Variants in CELF4 observed in about 807,000 individuals in gnomAD.
CELF4 encodes CUGBP Elav-like family member 4.
Under a neutral mutation model 59.9 loss-of-function variants are expected in CELF4, and 18 were observed. The observed-to-expected ratio is 0.30, with a 90% CI of 0.21 to 0.45. The LOEUF (loss-of-function observed/expected upper bound fraction) is 0.45, where lower values mean the gene tolerates loss of function less well. CELF4 is among the 20% of genes least tolerant of loss of function. The pLI is 1.00. For synonymous variants in CELF4, 261 were observed against 267.1 expected (o/e 0.98, Z 0.22); for missense variants, 456 against 689.0 (o/e 0.66, Z 3.79).
intron 2 of CELF4, among the ~76,000 whole-genome samples, chr18:37,325,259 A>T (rs2097266455): frequency 6.6e-6 from 1 of 152,096 alleles, no homozygotes; most frequent in African/African-American, 2.4e-5. Flanking sequence ...CCTGTGTGGG[A>T]GGAAGGCTGG....
At position 37,340,300 on chromosome 18, in the gene CELF4, C is replaced by T. The variant is rs145111519; in HGVS notation, c.370-18419G>A. ...CCGAGCTCTCAGCCTTGTGCCTTTGCCAGCTGGGCTGGGCTCAGCCCTGAC... is the reference window on the plus strand; with the variant it reads ...CCGAGCTCTCAGCCTTGTGCCTTTGTCAGCTGGGCTGGGCTCAGCCCTGAC... On this transcript the variant is annotated intron_variant, in intron 2 of 12. Coordinates refer to ENST00000420428, the MANE Select transcript of CELF4 (RefSeq NM_020180.4). 3.8e-3 allele frequency among the ~76,000 whole-genome samples: 576 copies of T among 152,368 alleles called. 4 individuals are homozygous for T. Among genetic ancestry groups the T allele is most frequent in the Non-Finnish European group, 6.5e-3 (439 of 68,032 alleles).
At chr18:37,496,540 T>A (rs184813279) in intron 1 of CELF4, among the ~76,000 whole-genome samples, 1,669 of 152,256 alleles carry the variant, frequency 0.011, 27 homozygotes, top group African/African-American at 0.031. Context: ...AAATTTTTTT[T>A]AAAAAAGAAG....
chr18:37,519,871 C>G (rs1214580969), intron 1 of CELF4, among the ~76,000 whole-genome samples: 1 of 152,182 alleles, frequency 6.6e-6, no homozygotes, highest in Non-Finnish European at 1.5e-5. Flanking sequence ...GGCAGTGAGG[C>G]AGGGGGCCTG....
chr18:37,379,216 G>A (rs958494829), intron 2 of CELF4, among the ~76,000 whole-genome samples: 1 of 152,142 alleles, frequency 6.6e-6, no homozygotes, highest in Non-Finnish European at 1.5e-5. Context: ...TTGGATGAGA[G>A]CAGGGATAAA....
rs138265107 is a variant in CELF4, at chr18:37,298,210, G to A, written c.449-22967C>T. Among the ~76,000 whole-genome samples the A allele has an allele frequency of 7.3e-3, 1,104 of 152,260 alleles. 6 individuals carry two copies. The highest frequency in any genetic ancestry group is 0.011 in the Non-Finnish European group (721 of 68,018). ...ATATCTTGAGAGTGTGTATAAAATG[G>A]CCCAAGGATCTGCAGATGCTGGTTC... is the stretch of plus-strand genomic sequence containing the variant. On this transcript the variant is annotated intron_variant, in intron 3 of 12. Transcript: ENST00000420428.
Position 37,259,282 on chromosome 18 carries a change from G to T in CELF4, c.1250-18C>A. 1 of 980,956 alleles carries T rather than the reference G, an allele frequency of 1.0e-6. No individual in the cohort carries two copies. Among genetic ancestry groups the T allele is most frequent in the Non-Finnish European group, 1.6e-6 (1 of 623,820 alleles). 60.8% of individuals were successfully genotyped at this position (980,956 alleles called of 1,614,324 possible). On this transcript the variant is annotated intron_variant, in intron 10 of 12. Coordinates refer to ENST00000420428, the MANE Select transcript of CELF4 (RefSeq NM_020180.4). ...CTCGGGCCCTGCGGTGAGGGGAGGG[G>T]GTGGGCGGGGGAGGAGGGATGGCAG...
At chr18:37,464,843 A>G (rs1540075) in intron 2 of CELF4, among the ~76,000 whole-genome samples, 111,116 of 152,124 alleles carry the variant, frequency 0.73, 41,923 homozygotes, top group South Asian at 0.89. Flanking sequence ...GCTGCCCGAA[A>G]GGAGACAGAG....
chr18:37,329,407 C>T (rs2097450809), intron 2 of CELF4, among the ~76,000 whole-genome samples: 1 of 152,258 alleles, frequency 6.6e-6, no homozygotes, highest in Non-Finnish European at 1.5e-5. Flanking sequence ...CCAGACATCA[C>T]CTCTTCCCAT....
intron 2 of CELF4, among the ~76,000 whole-genome samples, chr18:37,358,646 G>A (rs2098646316): frequency 6.6e-6 from 1 of 152,228 alleles, no homozygotes; most frequent in Non-Finnish European, 1.5e-5. Context: ...ACCTCGCTGT[G>A]AATCTTTGCT....
chr18:37,286,700 C>G (rs2094812779), intron 3 of CELF4, among the ~76,000 whole-genome samples: 1 of 152,188 alleles, frequency 6.6e-6, no homozygotes. Flanking sequence ...ACTTGTCTAA[C>G]CCGGGAGGAG....
rs149244987 is a variant in CELF4 at position 37,287,728 on chromosome 18, C to G, written c.449-12485G>C. ...CTCAGAGGGCCCATGCTTAAGTACA[C>G]GGTGTATTAACTCATGACTGATAAT... On this transcript the variant is annotated intron_variant, in intron 3 of 12. Transcript: ENST00000420428. Among the ~76,000 whole-genome samples, 618 of 152,272 alleles carry G rather than the reference C, an allele frequency of 4.1e-3. 2 individuals are homozygous for G. Among genetic ancestry groups the G allele is most frequent in the African/African-American group, 0.014 (600 of 41,552 alleles).
intron 2 of CELF4, among the ~76,000 whole-genome samples, chr18:37,383,323 G>A (rs2154570480): frequency 6.6e-6 from 1 of 152,288 alleles, no homozygotes; most frequent in South Asian, 2.1e-4. Context: ...AGCAGGAAAT[G>A]GCCCTGTCCC....
At chr18:37,522,208 C>T (rs1472433353) in intron 1 of CELF4, among the ~76,000 whole-genome samples, 2 of 152,178 alleles carry the variant, frequency 1.3e-5, no homozygotes, top group Admixed American at 6.5e-5. Flanking sequence ...AGTCCCACCT[C>T]CTCCTGACTG....
At chr18:37,384,044 T>C (rs1360622247) in intron 2 of CELF4, among the ~76,000 whole-genome samples, 1 of 152,152 alleles carries the variant, frequency 6.6e-6, no homozygotes, top group Non-Finnish European at 1.5e-5. Context: ...GTGCTGAGCT[T>C]GTCCTGCCTC....
intron 2 of CELF4, among the ~76,000 whole-genome samples, chr18:37,341,025 T>C (rs2098002215): frequency 6.6e-6 from 1 of 152,202 alleles, no homozygotes; most frequent in Non-Finnish European, 1.5e-5. Context: ...TTGCTTAAAG[T>C]AGGGATGGTG....
At chr18:37,353,233 A>AAAAAAATATATAT (rs71168258) in intron 2 of CELF4, among the ~76,000 whole-genome samples, 5 of 106,968 alleles carry the variant, frequency 4.7e-5, no homozygotes, top group South Asian at 3.2e-4. Context: ...AAAAAAAAAA[A>AAAAAAATATATAT]ATATATATAT....
intron 3 of CELF4, among the ~76,000 whole-genome samples, chr18:37,292,975 C>A (rs1051464607): frequency 3.9e-5 from 6 of 152,178 alleles, no homozygotes; most frequent in Admixed American, 2.0e-4. Flanking sequence ...TGGCCTGTAA[C>A]CCTCTCATAG....
rs2090919836 is a variant in CELF4 at position 37,270,937 on chromosome 18, AG to A, written c.950-21del. 6.3e-7 allele frequency: 1 copy of A among 1,578,852 alleles called. No homozygotes were observed. Among genetic ancestry groups the A allele is most frequent in the African/African-American group, 1.3e-5 (1 of 74,086 alleles). On this transcript the variant is annotated intron_variant, in intron 7 of 12. Transcript: ENST00000420428. ...TGCCACCTGGTTCCAGGCATACAGAAGGGTGGAGGAGGAGGGGAGGCAAGCA... is the reference window on the plus strand; with the variant it reads ...TGCCACCTGGTTCCAGGCATACAGAAGGTGGAGGAGGAGGGGAGGCAAGCA...
chr18:37,350,906 C>A, intron 2 of CELF4, among the ~76,000 whole-genome samples: 1 of 152,166 alleles, frequency 6.6e-6, no homozygotes, highest in East Asian at 1.9e-4. Context: ...GGGGAGCAGG[C>A]CTGGAGCTCT....
Sources: gnomAD v4.1 joint callset for allele counts (sites outside exome capture counted in the v4.1 genomes callset) on GRCh38, gnomAD v4.1.1 for gene constraint, MANE v1.5 for transcripts, NCBI Gene and HGNC (gene_info 2026-07-23, HGNC 2026-07-21) for gene names.